Variants in ZNF718 observed in about 807,000 individuals in gnomAD.
ZNF718 encodes zinc finger protein 718.
In ZNF718, 3 loss-of-function variants were observed where a neutral mutation model predicts 2.6. That is an observed-to-expected ratio of 1.16 (90% confidence interval 0.53 to 3.01). The LOEUF is 3.01. Among genes scored for constraint, ZNF718 ranks in the 30% most tolerant of loss-of-function variants. The pLI is 0.03. For synonymous variants in ZNF718, 135 were observed against 77.9 expected (o/e 1.73, Z -3.86); for missense variants, 468 against 230.0 (o/e 2.03, Z -6.69).
intron 3 of ZNF718, among the ~76,000 whole-genome samples, chr4:189,439 T>A (rs1295552532): frequency 3.9e-5 from 6 of 152,156 alleles, no homozygotes; most frequent in Admixed American, 1.3e-4. Flanking sequence ...ATTTTTAGTA[T>A]GTCGATTACT....
At chr4:133,196 ATATATATATATAT>A (rs1311403487) in intron 3 of ZNF718, among the ~76,000 whole-genome samples, 2 of 16,540 alleles carry the variant, frequency 1.2e-4, no homozygotes, top group African/African-American at 3.3e-4. Context: ...AAAAAAAAAA[ATATATATATATAT>A]ATATATATAT....
chr4:135,270 A>G (rs1164246182), intron 3 of ZNF718, among the ~76,000 whole-genome samples: 3 of 151,008 alleles, frequency 2.0e-5, no homozygotes, highest in African/African-American at 4.9e-5. Flanking sequence ...TTATTTTGTC[A>G]AGGTTTAGGA....
Position 147,475 on chromosome 4 carries a change from C to T in ZNF718, c.227-13437C>T, listed in dbSNP as rs782334657. ...TGGAGCCAGGTCATGTAACTACTAC[C>T]GGGCCTGCCATGAAGTTCATGCTTG... On this transcript the variant is annotated intron_variant, in intron 3 of 3. Transcript: ENST00000510175. 6.6e-5 allele frequency among the ~76,000 whole-genome samples: 10 copies of T among 152,092 alleles called. No individual in the cohort carries two copies. In the East Asian group the frequency reaches 7.7e-4, roughly 12 times the overall value.
intron 3 of ZNF718, among the ~76,000 whole-genome samples, chr4:142,763 A>C (rs991575829): frequency 1.3e-5 from 2 of 152,214 alleles, no homozygotes; most frequent in South Asian, 4.1e-4. Context: ...AAATACATCA[A>C]ATGAAGATTA....
At chr4:155,138 G>C (rs1319503281) in intron 3 of ZNF718, among the ~76,000 whole-genome samples, 1 of 151,206 alleles carries the variant, frequency 6.6e-6, no homozygotes, top group Non-Finnish European at 1.5e-5. Context: ...CTACATTTCA[G>C]AATATGTATA....
chr4:133,467 C>A (rs553054671), intron 3 of ZNF718, among the ~76,000 whole-genome samples: 1 of 152,068 alleles, frequency 6.6e-6, no homozygotes, highest in South Asian at 2.1e-4. Context: ...TAACTATTAT[C>A]TTTTAATTTT....
chr4:187,025 A>T (rs1717579365), intron 3 of ZNF718, among the ~76,000 whole-genome samples: 1 of 152,032 alleles, frequency 6.6e-6, no homozygotes, highest in Non-Finnish European at 1.5e-5. Context: ...GCCACTTCTT[A>T]TCTTTGTGGG....
intron 3 of ZNF718, among the ~76,000 whole-genome samples, chr4:153,506 G>A (rs551980375): frequency 1.3e-5 from 2 of 152,218 alleles, no homozygotes; most frequent in East Asian, 3.9e-4. Context: ...ACCTTGGGTA[G>A]TATAGCAACT....
chr4:143,723 A>G (rs1485472401), intron 3 of ZNF718, among the ~76,000 whole-genome samples: 1 of 152,160 alleles, frequency 6.6e-6, no homozygotes, highest in Non-Finnish European at 1.5e-5. Context: ...GCTCTTGCCT[A>G]GAGACCATCA....
At chr4:187,295 C>T (rs1005805257) in intron 3 of ZNF718, among the ~76,000 whole-genome samples, 8 of 151,500 alleles carry the variant, frequency 5.3e-5, no homozygotes, top group Non-Finnish European at 7.4e-5. Context: ...GGTGTGATCT[C>T]GGCTCACTGC....
chr4:160,852 G>A, intron 3 of ZNF718, 60 bp from the exon 4 acceptor site: 1 of 695,286 alleles, frequency 1.4e-6, no homozygotes, highest in Non-Finnish European at 2.6e-6. Context: ...TGCCTGGCCT[G>A]TAAAGTATAT....
chr4:199,881 CT>C (rs1353143654), intron 3 of ZNF718, among the ~76,000 whole-genome samples: 1 of 152,082 alleles, frequency 6.6e-6, no homozygotes, highest in East Asian at 1.9e-4. Context: ...TTTGTTTTTT[CT>C]TTTTCTAGAC....
intron 3 of ZNF718, among the ~76,000 whole-genome samples, chr4:182,080 A>G (rs576152518): frequency 6.6e-6 from 1 of 152,194 alleles, no homozygotes; most frequent in East Asian, 1.9e-4. Flanking sequence ...GGGCATTTAG[A>G]TTCATCCCAT....
At chr4:195,585 CTT>C (rs201982470) in intron 3 of ZNF718, among the ~76,000 whole-genome samples, 6 of 146,574 alleles carry the variant, frequency 4.1e-5, no homozygotes, top group African/African-American at 2.5e-5. Flanking sequence ...TACGTTTTTG[CTT>C]TTTTTTTTTG....
intron 3 of ZNF718, among the ~76,000 whole-genome samples, chr4:133,195 AAT>A (rs1164522262): frequency 0.018 from 381 of 20,700 alleles, 44 homozygotes; most frequent in African/African-American, 0.025. Context: ...AAAAAAAAAA[AAT>A]ATATATATAT....
chr4:156,597 TCACTCTA>T (rs1716578811), intron 3 of ZNF718, among the ~76,000 whole-genome samples: 1 of 152,204 alleles, frequency 6.6e-6, no homozygotes, highest in Admixed American at 6.5e-5. Flanking sequence ...AAAGCTAAAA[TCACTCTA>T]CACATTAAAA....
downstream of ZNF718, among the ~76,000 whole-genome samples, chr4:164,298 G>T (rs951391082): frequency 3.3e-5 from 5 of 151,990 alleles, no homozygotes; most frequent in Non-Finnish European, 7.4e-5. Context: ...CCAAGCAATT[G>T]TGTTTGGAAA....
chr4:161,502 C>T lies in ZNF718; in HGVS notation c.817C>T (p.His273Tyr). The T allele has an allele frequency of 1.3e-6, 1 of 780,680 alleles. No individual in the cohort carries two copies. Among genetic ancestry groups the T allele is most frequent in the Non-Finnish European group, 2.4e-6 (1 of 417,912 alleles). The allele number at this position is 780,680 out of a possible 1,614,324, so 48.4% of individuals were successfully genotyped here. Residue 273 changes from histidine to tyrosine, a missense_variant, in exon 4 of 4, where the codon CAT (histidine) becomes TAT (tyrosine). Coordinates refer to ENST00000510175, the MANE Select transcript of ZNF718 (RefSeq NM_001039127.6). ...TAACCAATCCTCAACCCTTAATTTA[C>T]ATAAGAGAATTCATTCTGCACAAAA... Reference protein sequence around the residue: ...AFNQSSTLNLHKRIHSAQKYY... With the variant: ...AFNQSSTLNLYKRIHSAQKYY...
intron 3 of ZNF718, among the ~76,000 whole-genome samples, chr4:200,341 C>T (rs1337185104): frequency 2.0e-5 from 3 of 152,228 alleles, no homozygotes; most frequent in Admixed American, 6.5e-5. Flanking sequence ...TGGCTCACTG[C>T]AACCTCTGCC....
Sources: allele counts gnomAD v4.1 joint callset (sites outside exome capture counted in the v4.1 genomes callset), GRCh38; gene constraint gnomAD v4.1.1; transcripts MANE v1.5; gene names NCBI Gene and HGNC (gene_info 2026-07-23, HGNC 2026-07-21).